SIPA1L3: variants seen among roughly 807,000 people sequenced by gnomAD.
SIPA1L3 encodes signal induced proliferation associated 1 like 3.
Under a neutral mutation model 150.1 loss-of-function variants are expected in SIPA1L3, and 59 were observed. The ratio of observed to expected loss-of-function variants is 0.39; its 90% CI spans 0.32 to 0.49. The LOEUF is 0.49. Among genes scored for constraint, SIPA1L3 ranks in the 20% least tolerant of loss-of-function variants. SIPA1L3 has a pLI of 0.86. For synonymous variants in SIPA1L3, 1,070 were observed against 1,077.6 expected (o/e 0.99, Z 0.14); for missense variants, 2,211 against 2,489.5 (o/e 0.89, Z 2.38).
chr19:38,032,931 T>C (rs1968686040), intron 2 of SIPA1L3, among the ~76,000 whole-genome samples: 1 of 151,966 alleles, frequency 6.6e-6, no homozygotes, highest in Non-Finnish European at 1.5e-5. Flanking sequence ...TATATAGTGA[T>C]GAATAAAGCA....
chr19:38,053,855 C>T (rs780512745), intron 2 of SIPA1L3, among the ~76,000 whole-genome samples: 2 of 151,966 alleles, frequency 1.3e-5, no homozygotes, highest in Non-Finnish European at 2.9e-5. Flanking sequence ...CGTGAGCCGC[C>T]GCGCCCAGCC....
At chr19:37,917,157 C>T (rs535062345) in intron 1 of SIPA1L3, among the ~76,000 whole-genome samples, 11 of 152,144 alleles carry the variant, frequency 7.2e-5, no homozygotes, top group African/African-American at 4.8e-5. Context: ...CCACATTAAG[C>T]GTTTGACATA....
chr19:38,069,951 C>T (rs1007165298), intron 2 of SIPA1L3, among the ~76,000 whole-genome samples: 1 of 151,706 alleles, frequency 6.6e-6, no homozygotes, highest in Non-Finnish European at 1.5e-5. Context: ...GCTGGGATTA[C>T]AGGCACGAGC....
At position 38,088,867 on chromosome 19, in the gene SIPA1L3, C is replaced by G; in HGVS notation, c.1665+16C>G. The G allele has an allele frequency of 6.2e-7, 1 of 1,611,730 alleles. No individual in the cohort carries two copies. Among genetic ancestry groups the G allele is most frequent in the Non-Finnish European group, 8.5e-7 (1 of 1,178,358 alleles). Reference sequence around the variant, plus strand: ...GACCCGCGAGGTAGGTCCCATCACTCTCGTTCTTATTAAAGAAATCATAGC... The same window carrying G: ...GACCCGCGAGGTAGGTCCCATCACTGTCGTTCTTATTAAAGAAATCATAGC... On this transcript the variant is annotated intron_variant, in intron 4 of 21. Coordinates refer to ENST00000222345, the MANE Select transcript of SIPA1L3 (RefSeq NM_015073.3).
chr19:38,128,046 CTTTTTTTTTTTT>C (rs34053188), intron 9 of SIPA1L3, among the ~76,000 whole-genome samples: 5 of 66,576 alleles, frequency 7.5e-5, no homozygotes, highest in African/African-American at 1.7e-4. Flanking sequence ...CCTTGGGCCT[CTTTTTTTTTTTT>C]TTTTTTTTTT....
chr19:37,951,184 A>C (rs1218516311), intron 1 of SIPA1L3, among the ~76,000 whole-genome samples: 1 of 152,254 alleles, frequency 6.6e-6, no homozygotes, highest in African/African-American at 2.4e-5. Context: ...ACAGTACCGT[A>C]AGGCTGTCAC....
intron 10 of SIPA1L3, among the ~76,000 whole-genome samples, chr19:38,131,310 C>T (rs900507937): frequency 6.6e-6 from 1 of 152,204 alleles, no homozygotes; most frequent in Non-Finnish European, 1.5e-5. Context: ...GATGGGAGAG[C>T]TGCTTACAAG....
intron 4 of SIPA1L3, among the ~76,000 whole-genome samples, chr19:38,098,260 C>T (rs1376630217): frequency 6.6e-6 from 1 of 152,190 alleles, no homozygotes; most frequent in Admixed American, 6.6e-5. Flanking sequence ...TAGGCAGCTG[C>T]AAGGATTAAC....
intron 1 of SIPA1L3, among the ~76,000 whole-genome samples, chr19:37,909,740 C>T (rs964722498): frequency 6.6e-5 from 10 of 152,048 alleles, no homozygotes; most frequent in Admixed American, 6.6e-4. Context: ...CTTAGAATAT[C>T]CCGTGTGGGA....
chr19:38,083,061 TG>T lies in SIPA1L3; in HGVS notation c.1499del (p.Gly500AlafsTer29). The T allele has an allele frequency of 1.2e-6, 2 of 1,612,386 alleles. No homozygotes were observed. Among genetic ancestry groups the T allele is most frequent in the Non-Finnish European group, 1.7e-6 (2 of 1,179,948 alleles). On this transcript the variant is annotated frameshift_variant, in exon 3 of 22. Transcript: ENST00000222345. LOFTEE classifies it high-confidence loss of function. ...CAGTACAGCATCGAGCATGTGGACC[TG>T]GGCGCCCGCTACTACCAGGATTACT... ...PRQYSIEHVD[L>X]GARYYQDYFV...
chr19:38,198,877 C>T (rs1470030367), intron 19 of SIPA1L3, among the ~76,000 whole-genome samples: 4 of 152,308 alleles, frequency 2.6e-5, no homozygotes, highest in Admixed American at 6.5e-5. Flanking sequence ...ATCGCTTGAG[C>T]CCAGGAGGTG....
chr19:37,974,904 G>A (rs1361198130), intron 1 of SIPA1L3, among the ~76,000 whole-genome samples: 1 of 152,184 alleles, frequency 6.6e-6, no homozygotes, highest in African/African-American at 2.4e-5. Flanking sequence ...GTGGCCAGGT[G>A]TGGTGGCTCA....
chr19:38,045,987 C>CT (rs1322821284), intron 2 of SIPA1L3, among the ~76,000 whole-genome samples: 2 of 152,162 alleles, frequency 1.3e-5, no homozygotes, highest in African/African-American at 4.8e-5. Flanking sequence ...TCTGTGTGCA[C>CT]TTTCAAGCCT....
chr19:38,124,322 C>T (rs1211793408), intron 9 of SIPA1L3, among the ~76,000 whole-genome samples: 7 of 148,048 alleles, frequency 4.7e-5, no homozygotes, highest in Non-Finnish European at 8.9e-5. Flanking sequence ...ACCTCCCAGA[C>T]GGGGTCGCGG....
intron 16 of SIPA1L3, 139 bp from the exon 17 acceptor site, chr19:38,192,006 C>A: frequency 1.4e-6 from 1 of 718,354 alleles, no homozygotes; most frequent in Non-Finnish European, 2.3e-6. Flanking sequence ...AAGCCCCTCT[C>A]TGCCACGCGT....
chr19:38,082,147 G>A lies in SIPA1L3; in HGVS notation c.582G>A (p.Gly194=). ...AGCCGCGGGGGGCCCGGCACACGGG[G>A]GCGCTGCCCCTCTTCCGCGAGTACG... is the stretch of plus-strand genomic sequence containing the variant. ...AGEPRGARHT[G]ALPLFREYGS... The change falls in exon 3 of 22, where the codon GGG becomes GGA. Residue 194 remains glycine, a synonymous_variant. Coordinates refer to ENST00000222345, the MANE Select transcript of SIPA1L3 (RefSeq NM_015073.3). The A allele has an allele frequency of 1.2e-6, 2 of 1,605,994 alleles. No individual in the cohort carries two copies. Among genetic ancestry groups the A allele is most frequent in the South Asian group, 1.1e-5 (1 of 91,034 alleles).
chr19:37,915,258 T>C (rs1164982504), intron 1 of SIPA1L3, among the ~76,000 whole-genome samples: 1 of 152,132 alleles, frequency 6.6e-6, no homozygotes, highest in African/African-American at 2.4e-5. Context: ...TTGGTTGCCA[T>C]ACCAGGCACA....
chr19:38,173,950 G>A (rs1237944999), intron 15 of SIPA1L3, among the ~76,000 whole-genome samples: 1 of 148,420 alleles, frequency 6.7e-6, no homozygotes, highest in African/African-American at 2.5e-5. Context: ...AGGAGCTGGG[G>A]GCAGAGAAGA....
chr19:38,046,278 G>A lies in SIPA1L3; in HGVS notation c.-311+17122G>A, dbSNP rs1052506600. 6.6e-6 allele frequency among the ~76,000 whole-genome samples: 1 copy of A among 152,122 alleles called. No homozygotes were observed. The highest frequency in any genetic ancestry group is 1.9e-4 in the East Asian group (1 of 5,184). On this transcript the variant is annotated intron_variant, in intron 2 of 21. Transcript: ENST00000222345. The surrounding 1 kb of genome is among the most constrained non-coding windows in gnomAD (Gnocchi z 5.6). Reference sequence around the variant, plus strand: ...CCCCGCCTCCTCCATAGACCTCCAGGCCTCTCAAAAGGGACCCCCACCTGC... The same window carrying A: ...CCCCGCCTCCTCCATAGACCTCCAGACCTCTCAAAAGGGACCCCCACCTGC...
Sources: gnomAD v4.1 joint callset for allele counts (sites outside exome capture counted in the v4.1 genomes callset) on GRCh38, gnomAD v4.1.1 for gene constraint, Gnocchi (gnomAD v3.1) non-coding constraint, MANE v1.5 for transcripts, NCBI Gene and HGNC (gene_info 2026-07-23, HGNC 2026-07-21) for gene names.